The following CCDC144A variants were observed in gnomAD, a reference collection of about 807,000 sequenced individuals.
The protein encoded by CCDC144A is coiled-coil domain containing 144A, also known as coiled-coil domain-containing protein 144A.
A neutral mutation model predicts 143.8 loss-of-function variants in CCDC144A; 41 were observed. The observed-to-expected ratio is 0.29, with a 90% confidence interval of 0.22 to 0.37. The LOEUF (loss-of-function observed/expected upper bound fraction) is 0.37, where lower values mean the gene tolerates loss of function less well. CCDC144A is among the 10% of genes least tolerant of loss of function. The pLI is 1.00. For missense variants in CCDC144A, 637 were observed against 1,488.8 expected (o/e 0.43, Z 9.41); for synonymous variants, 242 against 517.9 (o/e 0.47, Z 7.23).
Position 16,748,299 on chromosome 17 carries a change from T to C in CCDC144A, c.3372+12656T>C, listed in dbSNP as rs568812059. On this transcript the variant is annotated intron_variant, in intron 12 of 16. Transcript: ENST00000399273. ...CCTAATTTGTTGGGTGTTTTTTTCA[T>C]GAAGGGATGATGGACGTTATTGAAA... Among the ~76,000 whole-genome samples the C allele has an allele frequency of 5.3e-3, 806 of 152,288 alleles. 8 individuals carry two copies. Among genetic ancestry groups the C allele is most frequent in the African/African-American group, 0.018 (767 of 41,544 alleles).
Position 16,720,192 on chromosome 17 carries a change from T to A in CCDC144A, c.1716-6T>A. On this transcript the variant is annotated splice_polypyrimidine_tract_variant and splice_region_variant and intron_variant, in intron 6 of 16. Coordinates refer to ENST00000399273, the MANE Select transcript of CCDC144A (RefSeq NM_001382000.1). ...TTTTCTAAAAGGAATTGTTTTTTTT[T>A]TTCAGGCCTGCAGATAAAACATCTA... 6.6e-7 allele frequency: 1 copy of A among 1,516,790 alleles called. No individual in the cohort carries two copies. The highest frequency in any genetic ancestry group is 8.8e-7 in the Non-Finnish European group (1 of 1,134,286). The allele number at this position is 1,516,790 out of a possible 1,614,324, so 94.0% of individuals were successfully genotyped here.
the CCDC144A span, among the ~76,000 whole-genome samples, chr17:16,678,581 T>TTTTC: frequency 0.15 from 20,048 of 136,270 alleles, 1,985 homozygotes; most frequent in East Asian, 0.32. Flanking sequence ...TTTCTTTTTC[T>TTTTC]TTTCTTTTTT....
At chr17:16,753,654 C>G (rs1269595033) in intron 12 of CCDC144A, among the ~76,000 whole-genome samples, 1 of 152,008 alleles carries the variant, frequency 6.6e-6, no homozygotes, top group Non-Finnish European at 1.5e-5. Flanking sequence ...TTCTTTAGTT[C>G]TAACAGGCTC....
rs1440824231 is a variant in CCDC144A, at chr17:16,715,660, T to C, written c.1715+3845T>C. ...CAGTATTTGAAGTTAAAAGACCAAG[T>C]TGGAATGTGTTGCTTTCTATAAGAG... On this transcript the variant is annotated intron_variant, in intron 6 of 16. Coordinates refer to ENST00000399273, the MANE Select transcript of CCDC144A (RefSeq NM_001382000.1). Among the ~76,000 whole-genome samples the C allele has an allele frequency of 2.6e-5, 4 of 152,100 alleles. No homozygotes were observed. The East Asian group carries it at 7.7e-4, about 29-fold the overall frequency.
the CCDC144A span, among the ~76,000 whole-genome samples, chr17:16,671,554 GACAC>G: frequency 2.6e-5 from 4 of 151,178 alleles, no homozygotes; most frequent in African/African-American, 9.7e-5. Flanking sequence ...GTAAATCAGT[GACAC>G]ACACACACAC....
At chr17:16,703,875 C>T (rs1911888827) in intron 2 of CCDC144A, among the ~76,000 whole-genome samples, 1 of 152,166 alleles carries the variant, frequency 6.6e-6, no homozygotes, top group Non-Finnish European at 1.5e-5. Flanking sequence ...AGAACTATGA[C>T]CCATTCACCA....
At chr17:16,691,764 AAAAC>A (rs199922365) in intron 1 of CCDC144A, 19,794 of 151,554 alleles carry the variant, frequency 0.13, 1,543 homozygotes, top group South Asian at 0.31. Flanking sequence ...GACTCAGTCT[AAAAC>A]AAACAAACAA....
chr17:16,703,655 T>C (rs1007565406), intron 2 of CCDC144A, among the ~76,000 whole-genome samples: 2 of 151,320 alleles, frequency 1.3e-5, no homozygotes, highest in African/African-American at 4.9e-5. Context: ...ATACAAAAAA[T>C]TAGCCGGGCG....
At chr17:16,698,479 A>G (rs1220774317) in intron 2 of CCDC144A, among the ~76,000 whole-genome samples, 1 of 152,212 alleles carries the variant, frequency 6.6e-6, no homozygotes, top group Non-Finnish European at 1.5e-5. Flanking sequence ...CCAAGAGTCT[A>G]CCTAACTTTT....
At chr17:16,743,058 G>C (rs1004098601) in intron 12 of CCDC144A, among the ~76,000 whole-genome samples, 4 of 152,146 alleles carry the variant, frequency 2.6e-5, no homozygotes, top group African/African-American at 4.8e-5. Context: ...CCTTTGCTGT[G>C]AAGAAACCTA....
intron 12 of CCDC144A, among the ~76,000 whole-genome samples, chr17:16,738,922 G>T (rs2143267197): frequency 6.6e-6 from 1 of 151,580 alleles, no homozygotes; most frequent in East Asian, 1.9e-4. Flanking sequence ...ATTGTATGAG[G>T]GTTCTAATTT....
chr17:16,676,402 T>G, the CCDC144A span, among the ~76,000 whole-genome samples: 2 of 151,098 alleles, frequency 1.3e-5, no homozygotes, highest in African/African-American at 2.4e-5. Context: ...TCCCAGCTAC[T>G]CGGGAGGCTG....
In CCDC144A at chr17:16,711,785, T is replaced by G. The variant is rs1467907118; in HGVS notation, c.1685T>G (p.Ile562Ser). 1.3e-6 allele frequency: 2 copies of G among 1,587,324 alleles called. No homozygotes were observed. The highest frequency in any genetic ancestry group is 2.7e-5 in the African/African-American group (2 of 74,570). ...GNDDDGLNQQ[I>S]PRKENGEHDR... ...GATGATGATGGACTAAATCAGCAGATTCCTAGGAAGGAAAATGGAGAGCAT... is the reference window on the plus strand; with the variant it reads ...GATGATGATGGACTAAATCAGCAGAGTCCTAGGAAGGAAAATGGAGAGCAT... The change falls in exon 6 of 17, where the codon ATT becomes AGT. Residue 562 changes from isoleucine (I) to serine (S), a missense_variant. Physicochemically the swap from Ile to Ser is moderately radical, Grantham distance 142. Transcript: ENST00000399273.
upstream of CCDC144A, among the ~76,000 whole-genome samples, chr17:16,687,102 G>A (rs970234923): frequency 5.3e-5 from 8 of 152,128 alleles, no homozygotes; most frequent in Non-Finnish European, 1.2e-4. Context: ...TGCCATTCCC[G>A]GTTTCTGTCC....
intron 11 of CCDC144A, among the ~76,000 whole-genome samples, chr17:16,734,032 C>T: frequency 6.6e-6 from 1 of 151,300 alleles, no homozygotes; most frequent in Non-Finnish European, 1.5e-5. Flanking sequence ...TTCAGCTACC[C>T]AGGAGGCTGA....
At position 16,725,542 on chromosome 17, in the gene CCDC144A, G is replaced by C. The variant is rs547601873; in HGVS notation, c.1892-1985G>C. On this transcript the variant is annotated intron_variant, in intron 8 of 16. Transcript: ENST00000399273. ...AATTATGAATGAAAACCCAAACATT[G>C]TATGTTCTCACTTGTAAGTGGGAGC... 1.3e-3 allele frequency among the ~76,000 whole-genome samples: 191 copies of C among 151,774 alleles called. 2 individuals are homozygous for C. The South Asian group carries it at 0.019, about 15-fold the overall frequency.
intron 8 of CCDC144A, among the ~76,000 whole-genome samples, chr17:16,724,787 ATTTTTTT>A (rs760344292): frequency 1.1e-3 from 40 of 35,104 alleles, no homozygotes; most frequent in African/African-American, 3.0e-3. Context: ...GATTAACTGA[ATTTTTTT>A]TTTTTTTTTT....
intron 12 of CCDC144A, among the ~76,000 whole-genome samples, chr17:16,736,923 C>A (rs1237246652): frequency 6.6e-6 from 1 of 152,156 alleles, no homozygotes; most frequent in Admixed American, 6.5e-5. Context: ...GCCCCACCCA[C>A]GTACCAAATT....
chr17:16,712,453 T>C (rs1912510806), intron 6 of CCDC144A, among the ~76,000 whole-genome samples: 1 of 152,132 alleles, frequency 6.6e-6, no homozygotes, highest in African/African-American at 2.4e-5. Flanking sequence ...TGTCACTTCT[T>C]TAACCTAACA....
Sources: allele counts gnomAD v4.1 joint callset (sites outside exome capture counted in the v4.1 genomes callset), GRCh38; gene constraint gnomAD v4.1.1; transcripts MANE v1.5; gene names NCBI Gene and HGNC (gene_info 2026-07-23, HGNC 2026-07-21).